PDXDC1: variants seen among roughly 807,000 people sequenced by gnomAD.
The protein encoded by PDXDC1 is pyridoxal-dependent decarboxylase domain-containing protein 1.
PDXDC1 carries 42 observed loss-of-function variants against 100.1 expected under a neutral mutation model. That is an observed-to-expected ratio of 0.42 (90% CI 0.33 to 0.54). PDXDC1 has a LOEUF of 0.54. Among genes scored for constraint, PDXDC1 ranks in the 20% least tolerant of loss-of-function variants. PDXDC1 has a pLI of 0.10. For missense variants in PDXDC1, 636 were observed against 979.2 expected (o/e 0.65, Z 4.68); for synonymous variants, 260 against 371.7 (o/e 0.70, Z 3.46).
chr16:15,051,291 T>C (rs777425310), intron 16 of PDXDC1, among the ~76,000 whole-genome samples: 1 of 152,198 alleles, frequency 6.6e-6, no homozygotes, highest in Non-Finnish European at 1.5e-5. Context: ...CCCAAAGAAA[T>C]AAAAGCAAAA....
At chr16:14,988,333 T>G (rs187114384) in intron 1 of PDXDC1, 5,512 of 1,612,222 alleles carry the variant, frequency 3.4e-3, no homozygotes, top group Non-Finnish European at 4.3e-3. Context: ...TAGATGAGCT[T>G]GAAGAGGAAG....
intron 16 of PDXDC1, among the ~76,000 whole-genome samples, chr16:15,111,824 G>A (rs1483798466): frequency 6.8e-6 from 1 of 148,008 alleles, no homozygotes; most frequent in Non-Finnish European, 1.5e-5. Flanking sequence ...ACTTCAACAC[G>A]GTTAGATGGT....
chr16:14,985,572 A>G (rs867879773), intron 1 of PDXDC1, among the ~76,000 whole-genome samples: 2 of 152,250 alleles, frequency 1.3e-5, no homozygotes, highest in Non-Finnish European at 2.9e-5. Flanking sequence ...GGTGTGAGCC[A>G]CCGCGCCTGG....
chr16:15,053,694 TGAGGTCAGGAGTTCAA>T (rs1475881046), intron 16 of PDXDC1, among the ~76,000 whole-genome samples: 1 of 152,096 alleles, frequency 6.6e-6, no homozygotes, highest in African/African-American at 2.4e-5. Context: ...GCAGATCACT[TGAGGTCAGGAGTTCAA>T]GAACAGCCTG....
At chr16:15,096,858 G>A (rs906709565) in intron 16 of PDXDC1, among the ~76,000 whole-genome samples, 4 of 152,046 alleles carry the variant, frequency 2.6e-5, no homozygotes, top group Admixed American at 6.6e-5. Flanking sequence ...TGGTAAATAC[G>A]AGGTCTCACT....
At chr16:15,078,595 C>T (rs1283812739) in intron 16 of PDXDC1, among the ~76,000 whole-genome samples, 15 of 152,180 alleles carry the variant, frequency 9.9e-5, no homozygotes, top group Non-Finnish European at 8.8e-5. Context: ...CTCCTTCCGG[C>T]GGATCCTTCC....
At chr16:15,088,230 T>C (rs941922469) in intron 16 of PDXDC1, among the ~76,000 whole-genome samples, 2 of 152,134 alleles carry the variant, frequency 1.3e-5, no homozygotes, top group African/African-American at 2.4e-5. Flanking sequence ...CCCAGCACTT[T>C]TGGGAGGCCA....
chr16:15,048,005 G>C, intron 16 of PDXDC1: 1 of 1,610,292 alleles, frequency 6.2e-7, no homozygotes, highest in Non-Finnish European at 8.5e-7. Flanking sequence ...ACCATCCTTT[G>C]GGGAGGTCAC....
At chr16:15,003,310 G>A (rs190266126) in intron 4 of PDXDC1, among the ~76,000 whole-genome samples, 13 of 150,364 alleles carry the variant, frequency 8.6e-5, no homozygotes, top group Admixed American at 1.4e-4. Context: ...TCTGCCTCCC[G>A]GGTTCACTCC....
At chr16:15,077,774 G>A (rs1223826398) in intron 16 of PDXDC1, among the ~76,000 whole-genome samples, 2 of 152,234 alleles carry the variant, frequency 1.3e-5, no homozygotes, top group African/African-American at 4.8e-5. Context: ...CCCGGAGGTG[G>A]AGGTTGCAGT....
At chr16:15,125,500 C>G (rs1274113274) in intron 16 of PDXDC1, 2 of 1,355,156 alleles carry the variant, frequency 1.5e-6, no homozygotes, top group South Asian at 1.2e-5. Context: ...CCCCGGTACT[C>G]CAGACACAGT....
At chr16:15,102,939 A>T (rs969207152) in intron 16 of PDXDC1, among the ~76,000 whole-genome samples, 1 of 146,900 alleles carries the variant, frequency 6.8e-6, no homozygotes, top group African/African-American at 2.6e-5. Flanking sequence ...GCTGTCTCAA[A>T]GGAAATACAA....
At chr16:15,139,883 A>G (rs1342046397), downstream of PDXDC1, among the ~76,000 whole-genome samples, 1 of 152,070 alleles carries the variant, frequency 6.6e-6, no homozygotes, top group Non-Finnish European at 1.5e-5. Flanking sequence ...GGATTATGAG[A>G]TCAAGAGATC....
Position 15,071,260 on chromosome 16 carries a change from A to G in PDXDC1, c.1399+41204A>G. On this transcript the variant is annotated intron_variant, in intron 16 of 16. Transcript: ENST00000535621. ...AATGCCTCTGCGAATCCCTATAAAA[A>G]GAGAGGGCGTCGGTGTGATCTTTTT... is the stretch of plus-strand genomic sequence containing the variant. 8 of 1,601,470 alleles carry G rather than the reference A, an allele frequency of 5.0e-6. No homozygotes were observed. In the South Asian group the frequency reaches 7.9e-5, roughly 16 times the overall value.
intron 16 of PDXDC1, among the ~76,000 whole-genome samples, chr16:15,066,637 A>T (rs1343703748): frequency 1.1e-5 from 1 of 89,838 alleles, no homozygotes; most frequent in African/African-American, 3.0e-5. Flanking sequence ...TGTCTCAAAT[A>T]AAAAAAAAAA....
downstream of PDXDC1, among the ~76,000 whole-genome samples, chr16:15,143,806 C>A (rs1308541368): frequency 1.3e-5 from 2 of 152,226 alleles, no homozygotes; most frequent in Non-Finnish European, 2.9e-5. Context: ...ACACTCAGAG[C>A]TGAGTGCCCC....
At chr16:15,097,662 TAATG>T (rs1011442953) in intron 16 of PDXDC1, among the ~76,000 whole-genome samples, 5 of 149,584 alleles carry the variant, frequency 3.3e-5, no homozygotes, top group African/African-American at 1.2e-4. Context: ...AAAAAGAACA[TAATG>T]AACACCTGTG....
chr16:15,047,604 G>C, intron 16 of PDXDC1: 1 of 1,297,354 alleles, frequency 7.7e-7, no homozygotes. Flanking sequence ...AGTGCAGTGC[G>C]CAGGCCGAGA....
At chr16:15,135,500 G>A (rs1427954973) in intron 16 of PDXDC1, 6 of 1,176,812 alleles carry the variant, frequency 5.1e-6, no homozygotes, top group East Asian at 4.9e-5. Flanking sequence ...CCCGGCCCAG[G>A]AGACAGCGCG....
Sources: gnomAD v4.1 joint callset for allele counts (sites outside exome capture counted in the v4.1 genomes callset) on GRCh38, gnomAD v4.1.1 for gene constraint, MANE v1.5 for transcripts, NCBI Gene and HGNC (gene_info 2026-07-23, HGNC 2026-07-21) for gene names.